The following VSNL1 variants were observed in gnomAD, a reference collection of about 807,000 sequenced individuals.
VSNL1 encodes the protein visinin-like protein 1.
A neutral mutation model predicts 20.4 loss-of-function variants in VSNL1; 6 were observed. The observed-to-expected ratio is 0.29, with a 90% CI of 0.16 to 0.58. The LOEUF is 0.58. VSNL1 is among the 20% of genes least tolerant of loss of function. VSNL1 has a pLI of 0.90. For missense variants in VSNL1, 100 were observed against 234.5 expected (o/e 0.43, Z 3.75); for synonymous variants, 93 against 86.4 (o/e 1.08, Z -0.42).
rs748689566 is a variant in VSNL1, at chr2:17,655,194, A to G, written c.379-3A>G. ...TATCACCTACAATGCTTTTTTCCCC[A>G]AGGCTATCTACAAAATGGTAGGCAC... is the stretch of plus-strand genomic sequence containing the variant. On this transcript the variant is annotated splice_region_variant and splice_polypyrimidine_tract_variant and intron_variant, in intron 3 of 3. Coordinates refer to ENST00000295156, the MANE Select transcript of VSNL1 (RefSeq NM_003385.5). This position sits in a 1 kb window ranked among gnomAD's most constrained non-coding sequence, Gnocchi z 5.2. 7.4e-6 allele frequency: 12 copies of G among 1,613,076 alleles called. No homozygotes were observed. The highest frequency in any genetic ancestry group is 2.2e-5 in the South Asian group (2 of 90,990).
chr2:17,558,929 G>A (rs1347067071), intron 1 of VSNL1, among the ~76,000 whole-genome samples: 1 of 152,108 alleles, frequency 6.6e-6, no homozygotes, highest in African/African-American at 2.4e-5. Flanking sequence ...AAATAAGAGA[G>A]AAATTTATTT....
chr2:17,560,828 A>G (rs1038280354), intron 1 of VSNL1, among the ~76,000 whole-genome samples: 2 of 152,196 alleles, frequency 1.3e-5, no homozygotes, highest in Admixed American at 6.5e-5. Flanking sequence ...TAGAAGATAG[A>G]TCTCTGTATC....
intron 1 of VSNL1, among the ~76,000 whole-genome samples, chr2:17,545,790 C>G (rs1663392888): frequency 6.6e-6 from 1 of 152,106 alleles, no homozygotes; most frequent in African/African-American, 2.4e-5. Context: ...AGGTTTGACA[C>G]TTTAATCATA....
intron 1 of VSNL1, among the ~76,000 whole-genome samples, chr2:17,579,798 C>T (rs1664307889): frequency 6.6e-6 from 1 of 152,108 alleles, no homozygotes; most frequent in Admixed American, 6.5e-5. Flanking sequence ...GTGGTGCTTT[C>T]AGTTAGAGCC....
intron 2 of VSNL1, among the ~76,000 whole-genome samples, chr2:17,624,694 G>A (rs1665466020): frequency 6.6e-6 from 1 of 152,124 alleles, no homozygotes; most frequent in Non-Finnish European, 1.5e-5. Flanking sequence ...GAGAAGGAGA[G>A]GGGGTGGAAT....
At position 17,634,391 on chromosome 2, in the gene VSNL1, T is replaced by A. The variant is rs1384468776; in HGVS notation, c.163-15019T>A. ...TCCTGGCAAGACTTGAGGCAAAGTT[T>A]GTTATGCAGTTGACCAGGAGAGAAG... On this transcript the variant is annotated intron_variant, in intron 2 of 3. Transcript: ENST00000295156. This position sits in a 1 kb window ranked among gnomAD's most constrained non-coding sequence, Gnocchi z 4.3. Among the ~76,000 whole-genome samples, 1 of 152,208 alleles carries A rather than the reference T, an allele frequency of 6.6e-6. No homozygotes were observed. The highest frequency in any genetic ancestry group is 1.5e-5 in the Non-Finnish European group (1 of 68,030).
intron 2 of VSNL1, among the ~76,000 whole-genome samples, chr2:17,645,080 T>A (rs1284453849): frequency 6.6e-6 from 1 of 152,246 alleles, no homozygotes; most frequent in Non-Finnish European, 1.5e-5. Context: ...TTCTGGTTTT[T>A]TGAAGCCCTA....
chr2:17,615,322 G>T (rs1246554898), intron 2 of VSNL1, among the ~76,000 whole-genome samples: 1 of 152,040 alleles, frequency 6.6e-6, no homozygotes, highest in African/African-American at 2.4e-5. Flanking sequence ...CAACATGTAT[G>T]GAGTATCATT....
chr2:17,611,978 A>G (rs1665100528), intron 2 of VSNL1, among the ~76,000 whole-genome samples: 1 of 152,212 alleles, frequency 6.6e-6, no homozygotes, highest in Admixed American at 6.5e-5. Flanking sequence ...AGAATATATG[A>G]TACACACAGA....
At chr2:17,631,313 A>T (rs1665622778) in intron 2 of VSNL1, among the ~76,000 whole-genome samples, 1 of 152,210 alleles carries the variant, frequency 6.6e-6, no homozygotes, top group Non-Finnish European at 1.5e-5. Context: ...CCTTGATCAT[A>T]TAAAAATCTA....
intron 2 of VSNL1, among the ~76,000 whole-genome samples, chr2:17,598,339 T>C (rs1371678993): frequency 6.6e-6 from 1 of 152,244 alleles, no homozygotes; most frequent in African/African-American, 2.4e-5. Context: ...AACAAGTGCC[T>C]TTGTTTTTCT....
chr2:17,654,037 TATTC>T (rs1186441410), intron 3 of VSNL1, among the ~76,000 whole-genome samples: 1 of 152,240 alleles, frequency 6.6e-6, no homozygotes, highest in Non-Finnish European at 1.5e-5. Context: ...TGCTGTAGCA[TATTC>T]ATTCTCTTTT....
intron 1 of VSNL1, among the ~76,000 whole-genome samples, chr2:17,585,637 G>C (rs950554060): frequency 6.6e-6 from 1 of 151,800 alleles, no homozygotes; most frequent in African/African-American, 2.4e-5. Flanking sequence ...GGGGGGATGG[G>C]CTTCTCATCC....
intron 2 of VSNL1, among the ~76,000 whole-genome samples, chr2:17,601,468 T>C (rs1316760289): frequency 6.6e-6 from 1 of 150,888 alleles, no homozygotes; most frequent in Non-Finnish European, 1.5e-5. Context: ...AAACTCTGTC[T>C]CTATTAAAAA....
chr2:17,622,875 G>A (rs1436280334), intron 2 of VSNL1, among the ~76,000 whole-genome samples: 1 of 152,188 alleles, frequency 6.6e-6, no homozygotes, highest in Admixed American at 6.5e-5. Context: ...GCTGCAAACG[G>A]CGTGAACTTC....
At chr2:17,636,512 C>T (rs1476730930) in intron 2 of VSNL1, among the ~76,000 whole-genome samples, 8 of 152,268 alleles carry the variant, frequency 5.3e-5, no homozygotes, top group East Asian at 1.9e-4. Flanking sequence ...ATGGTAGCCA[C>T]GGGCTGCATG....
At chr2:17,585,623 A>C (rs1025975697) in intron 1 of VSNL1, among the ~76,000 whole-genome samples, 1 of 149,404 alleles carries the variant, frequency 6.7e-6, no homozygotes, top group African/African-American at 2.5e-5. Flanking sequence ...ACACCCATCC[A>C]GGTGGGGGGA....
chr2:17,577,336 TA>T (rs1664239309), intron 1 of VSNL1, among the ~76,000 whole-genome samples: 1 of 152,214 alleles, frequency 6.6e-6, no homozygotes, highest in African/African-American at 2.4e-5. Flanking sequence ...AATGATTTTT[TA>T]AAAGATGGCA....
At chr2:17,554,162 T>C (rs916320839) in intron 1 of VSNL1, among the ~76,000 whole-genome samples, 2 of 152,200 alleles carry the variant, frequency 1.3e-5, no homozygotes, top group East Asian at 3.8e-4. Context: ...CTATGTTATC[T>C]GAGAATCACC....
Sources: gnomAD v4.1 joint callset for allele counts (sites outside exome capture counted in the v4.1 genomes callset) on GRCh38, gnomAD v4.1.1 for gene constraint, Gnocchi (gnomAD v3.1) non-coding constraint, MANE v1.5 for transcripts, NCBI Gene and HGNC (gene_info 2026-07-23, HGNC 2026-07-21) for gene names.